The following FGFR1 variants were observed in gnomAD, a reference collection of about 807,000 sequenced individuals.
FGFR1 encodes FGFR1/PLAG1 fusion.
FGFR1 carries 18 observed loss-of-function variants against 93.7 expected under a neutral mutation model. The observed-to-expected ratio is 0.19, with a 90% confidence interval of 0.13 to 0.28. The LOEUF (loss-of-function observed/expected upper bound fraction) is 0.28, where lower values mean the gene tolerates loss of function less well. Ranked by LOEUF, FGFR1 falls within the 10% of genes least tolerant of loss-of-function variation. FGFR1 has a pLI of 1.00. For synonymous variants in FGFR1, 448 were observed against 429.3 expected (o/e 1.04, Z -0.54); for missense variants, 731 against 1,080.4 (o/e 0.68, Z 4.53).
chr8:38,429,772 C>T lies in FGFR1; in HGVS notation c.268G>A (p.Asp90Asn), dbSNP rs770577710. 1.2e-6 allele frequency: 2 copies of T among 1,609,168 alleles called. No homozygotes were observed. The highest frequency in any genetic ancestry group is 8.5e-7 in the Non-Finnish European group (1 of 1,177,932). ...RITGEEVEVQDSVPADSGLYA... is the reference protein window; with the variant it reads ...RITGEEVEVQNSVPADSGLYA... The stretch of plus-strand genomic sequence containing the variant: ...AGGCCGGAGTCTGCGGGCACGGAGT[C>T]CTGCACCTCCACCTCCTCCCCTGTG... The change falls in exon 3 of 18, where the codon GAC (aspartate) becomes AAC (asparagine). Residue 90 changes from aspartate (D) to asparagine (N), a missense_variant. Asp to Asn is a conservative substitution (Grantham distance 23). Transcript: ENST00000447712. The surrounding 1 kb of genome is among the most constrained non-coding windows in gnomAD (Gnocchi z 4.4).
intron 3 of FGFR1, 93 bp from the exon 4 acceptor site, chr8:38,428,528 C>T: frequency 4.2e-6 from 4 of 945,714 alleles, no homozygotes; most frequent in South Asian, 4.2e-5. Flanking sequence ...GGACACCCTC[C>T]CCATGGGGAT....
chr8:38,457,413 C>T lies in FGFR1; in HGVS notation c.34G>A (p.Val12Met), dbSNP rs1563627828. ...WSWKCLLFWA[V>M]LVTATLCTAR... ...GTGCAGAGTGTGGCTGTGACCAGCA[C>T]AGCCCAGAAGAGGAGGCACTTCCAG... Residue 12 changes from valine to methionine, a missense_variant, in exon 2 of 18, where the codon GTG (valine) becomes ATG (methionine). Transcript: ENST00000447712. The T allele has an allele frequency of 2.5e-6, 4 of 1,614,042 alleles. No homozygotes were observed. Among genetic ancestry groups the T allele is most frequent in the Non-Finnish European group, 3.4e-6 (4 of 1,180,016 alleles).
chr8:38,457,743 T>G (rs1833258728), intron 1 of FGFR1, among the ~76,000 whole-genome samples: 1 of 152,026 alleles, frequency 6.6e-6, no homozygotes, highest in African/African-American at 2.4e-5. Context: ...CCCAGCACTT[T>G]GGGAGGCTGA....
At chr8:38,434,170 G>T (rs1305976928) in intron 2 of FGFR1, among the ~76,000 whole-genome samples, 1 of 152,114 alleles carries the variant, frequency 6.6e-6, no homozygotes, top group Non-Finnish European at 1.5e-5. Flanking sequence ...GACAGATATT[G>T]GGTATAATGT....
Position 38,429,774 on chromosome 8 carries a change from T to C in FGFR1, c.266A>G (p.Gln89Arg), listed in dbSNP as rs773938208. The C allele has an allele frequency of 4.8e-5, 77 of 1,609,624 alleles. No individual in the cohort carries two copies. Among genetic ancestry groups the C allele is most frequent in the Non-Finnish European group, 6.2e-5 (73 of 1,178,216 alleles). ...TRITGEEVEV[Q>R]DSVPADSGLY... ...GCCGGAGTCTGCGGGCACGGAGTCC[T>C]GCACCTCCACCTCCTCCCCTGTGAT... The change falls in exon 3 of 18, where the codon CAG (glutamine) becomes CGG (arginine). Residue 89 changes from glutamine to arginine, a missense_variant. Coordinates refer to ENST00000447712, the MANE Select transcript of FGFR1 (RefSeq NM_023110.3). The surrounding 1 kb of genome is among the most constrained non-coding windows in gnomAD (Gnocchi z 4.4).
rs948472422 is a variant in FGFR1 at position 38,424,187 on chromosome 8, C to T, written c.936+322G>A. The T allele has an allele frequency of 1.0e-5, 5 of 485,530 alleles. No homozygotes were observed. The Admixed American group carries it at 1.2e-4, about 12-fold the overall frequency. The allele number at this position is 485,530 out of a possible 1,614,324, so 30.1% of individuals were successfully genotyped here. Reference sequence around the variant, plus strand: ...ACGCTTGGTGGAAAGGCTCTGGTTTCGGGCAATGAAAAGGCAGGGGTCCAA... The same window carrying T: ...ACGCTTGGTGGAAAGGCTCTGGTTTTGGGCAATGAAAAGGCAGGGGTCCAA... On this transcript the variant is annotated intron_variant, in intron 7 of 17. Coordinates refer to ENST00000447712, the MANE Select transcript of FGFR1 (RefSeq NM_023110.3). This position sits in a 1 kb window ranked among gnomAD's most constrained non-coding sequence, Gnocchi z 4.3.
intron 15 of FGFR1, 32 bp from the exon 16 acceptor site, chr8:38,414,321 G>T (rs879286585): frequency 6.8e-6 from 11 of 1,613,792 alleles, no homozygotes; most frequent in Non-Finnish European, 8.5e-6. Context: ...CAGGGTGTTA[G>T]AGCTTCTCCG....
chr8:38,424,111 A>C lies in FGFR1; in HGVS notation c.936+398T>G. On this transcript the variant is annotated intron_variant, in intron 7 of 17. Transcript: ENST00000447712. This position sits in a 1 kb window ranked among gnomAD's most constrained non-coding sequence, Gnocchi z 4.3. ...AAGAGATGCTCTTATCATGCACCCC[A>C]TTTGCCAGAAAGATCGTACGTAACT... 1 of 350,082 alleles carries C rather than the reference A, an allele frequency of 2.9e-6. No homozygotes were observed. The highest frequency in any genetic ancestry group is 5.6e-6 in the Non-Finnish European group (1 of 178,186). The allele number at this position is 350,082 out of a possible 1,614,324, so 21.7% of individuals were successfully genotyped here. A position where few individuals can be genotyped will look rare whatever the true frequency, so the allele number is the denominator to read the frequency against.
chr8:38,423,290 GATTT>G, intron 7 of FGFR1: 1 of 553,432 alleles, frequency 1.8e-6, no homozygotes, highest in South Asian at 1.8e-5. Context: ...TGTTAAGTGA[GATTT>G]ATTACCTTTC....
At chr8:38,417,218 GC>G in intron 12 of FGFR1, 87 bp downstream of exon 12, 12 of 1,015,178 alleles carry the variant, frequency 1.2e-5, no homozygotes, top group Non-Finnish European at 1.9e-5. Context: ...CCCTTCCCTA[GC>G]TGTGGCTGAG....
intron 2 of FGFR1, among the ~76,000 whole-genome samples, chr8:38,444,051 CAAAAAAAAAAAAAAA>C (rs746296068): frequency 1.3e-5 from 1 of 74,352 alleles, no homozygotes. Flanking sequence ...GAAACTGTCT[CAAAAAAAAAAAAAAA>C]AAAAAAAAAA....
intron 2 of FGFR1, among the ~76,000 whole-genome samples, chr8:38,455,581 G>A (rs931501472): frequency 1.3e-5 from 2 of 152,124 alleles, no homozygotes; most frequent in East Asian, 1.9e-4. Context: ...GTGAGCCACC[G>A]TGCCCGGCCC....
At chr8:38,457,596 A>G (rs1187175516) in intron 1 of FGFR1, 62 bp from the exon 2 acceptor site, 6 of 1,501,710 alleles carry the variant, frequency 4.0e-6, no homozygotes, top group Non-Finnish European at 4.5e-6. Flanking sequence ...GGAAAGGAAA[A>G]ACAGAAGGTA....
chr8:38,421,978 G>A (rs1278076776), intron 7 of FGFR1, 37 bp from the exon 8 acceptor site: 4 of 1,612,722 alleles, frequency 2.5e-6, no homozygotes, highest in South Asian at 1.1e-5. Context: ...GACAAGCACA[G>A]GACATGAGAC....
At chr8:38,414,711 C>T in intron 14 of FGFR1, 68 bp downstream of exon 14, 1 of 1,613,356 alleles carries the variant, frequency 6.2e-7, no homozygotes, top group South Asian at 1.1e-5. Context: ...GGGGTGGGTT[C>T]TCAGCCCACC....
intron 2 of FGFR1, among the ~76,000 whole-genome samples, chr8:38,432,647 T>C (rs1176243061): frequency 6.6e-6 from 1 of 152,152 alleles, no homozygotes; most frequent in East Asian, 1.9e-4. Context: ...CCTCGTGATC[T>C]GCCTGCCTCG....
At chr8:38,433,294 C>T (rs367686549) in intron 2 of FGFR1, among the ~76,000 whole-genome samples, 239 of 152,104 alleles carry the variant, frequency 1.6e-3, no homozygotes, top group African/African-American at 5.5e-3. Flanking sequence ...TATGATCATG[C>T]CACTGGACGG....
chr8:38,426,054 C>T lies in FGFR1; in HGVS notation c.745+68G>A, dbSNP rs1288403910. On this transcript the variant is annotated intron_variant, in intron 6 of 17. Transcript: ENST00000447712. This position sits in a 1 kb window ranked among gnomAD's most constrained non-coding sequence, Gnocchi z 4.1. ...TCTGCCCCTAAGAAACCTGGACACC[C>T]CGGCTGTGTTCTCCAAGCCTGGCTC... 6 of 1,610,618 alleles carry T rather than the reference C, an allele frequency of 3.7e-6. No individual in the cohort carries two copies. The East Asian group carries it at 8.9e-5, about 24-fold the overall frequency.
chr8:38,425,707 GCCTGTGCT>G (rs969547378), intron 6 of FGFR1, among the ~76,000 whole-genome samples: 29 of 152,232 alleles, frequency 1.9e-4, no homozygotes, highest in African/African-American at 6.5e-4. Context: ...GAGCCTATGC[GCCTGTGCT>G]CCTGTGCAGG....
Sources: gnomAD v4.1 joint callset for allele counts (sites outside exome capture counted in the v4.1 genomes callset) on GRCh38, gnomAD v4.1.1 for gene constraint, Gnocchi (gnomAD v3.1) non-coding constraint, MANE v1.5 for transcripts, NCBI Gene and HGNC (gene_info 2026-07-23, HGNC 2026-07-21) for gene names.